IL17D: variants seen among roughly 807,000 people sequenced by gnomAD.
The protein encoded by IL17D is interleukin-17D.
A neutral mutation model predicts 5.7 loss-of-function variants in IL17D; 10 were observed. The observed-to-expected ratio is 1.75, with a 90% confidence interval of 1.08 to 2.97. IL17D has a LOEUF of 2.97. IL17D is among the 30% of genes most tolerant of loss of function. The pLI is 0.00. For synonymous variants in IL17D, 172 were observed against 141.7 expected (o/e 1.21, Z -1.52); for missense variants, 354 against 292.7 (o/e 1.21, Z -1.53).
chr13:20,719,189 C>G (rs1359005119), intron 1 of IL17D, among the ~76,000 whole-genome samples: 1 of 143,912 alleles, frequency 6.9e-6, no homozygotes, highest in Non-Finnish European at 1.5e-5. Context: ...CCTACACTCA[C>G]AGATGCCCAC....
Position 20,716,209 on chromosome 13 carries a change from C to T in IL17D, c.291-5427C>T, listed in dbSNP as rs112980765. On this transcript the variant is annotated intron_variant, in intron 1 of 1. Coordinates refer to ENST00000682841, the MANE Select transcript of IL17D (RefSeq NM_001385224.1). The surrounding 1 kb of genome is among the most constrained non-coding windows in gnomAD (Gnocchi z 4.2). ...CATGTCCCTCAGTGTCCCCAGAGGA[C>T]GGCGGATGTCTTGGTATTACCATGG... 154 of 452,084 alleles carry T rather than the reference C, an allele frequency of 3.4e-4. 2 individuals are homozygous for T. The South Asian group carries it at 0.011, about 33-fold the overall frequency. 28.0% of individuals were successfully genotyped at this position (452,084 alleles called of 1,614,324 possible). A position where few individuals can be genotyped will look rare whatever the true frequency, so the allele number is the denominator to read the frequency against.
intron 1 of IL17D, among the ~76,000 whole-genome samples, chr13:20,718,205 C>G (rs976804454): frequency 6.6e-6 from 1 of 152,132 alleles, no homozygotes; most frequent in Non-Finnish European, 1.5e-5. Flanking sequence ...GCCCGGTGCC[C>G]TTCATGAGTT....
chr13:20,704,010 A>G lies in IL17D; in HGVS notation c.9A>G (p.Val3=). ML[V]AGFLLALPPS... is the part of the protein sequence containing the mutation. ...CTGTCCCTCAGGTCTGGATGCTGGT[A>G]GCCGGCTTCCTGCTGGCGCTGCCGC... The change falls in exon 1 of 2, where the codon GTA becomes GTG. Residue 3 remains valine, a synonymous_variant. Coordinates refer to ENST00000682841, the MANE Select transcript of IL17D (RefSeq NM_001385224.1). The G allele has an allele frequency of 9.8e-7, 1 of 1,021,958 alleles. No individual in the cohort carries two copies. The highest frequency in any genetic ancestry group is 1.2e-6 in the Non-Finnish European group (1 of 857,372). 63.3% of individuals were successfully genotyped at this position (1,021,958 alleles called of 1,614,324 possible).
intron 1 of IL17D, chr13:20,713,363 A>C (rs968957146): frequency 1.2e-4 from 19 of 152,192 alleles, no homozygotes; most frequent in African/African-American, 4.3e-4. Flanking sequence ...TTCCCCCTAA[A>C]ATGTTTGTAT....
chr13:20,712,072 C>T (rs1320770018), intron 1 of IL17D, among the ~76,000 whole-genome samples: 1 of 152,224 alleles, frequency 6.6e-6, no homozygotes, highest in Non-Finnish European at 1.5e-5. Context: ...CCCAGGGTCA[C>T]ATTCATTCAT....
At chr13:20,709,145 T>TTC (rs1483398558) in intron 1 of IL17D, among the ~76,000 whole-genome samples, 25 of 150,386 alleles carry the variant, frequency 1.7e-4, no homozygotes, top group Admixed American at 1.3e-3. Flanking sequence ...AAGCCCTTTT[T>TTC]TTTTTTTTTT....
rs377183345 is a variant in IL17D at position 20,721,858 on chromosome 13, C to G, written c.513C>G (p.Pro171=). 1.9e-6 allele frequency: 3 copies of G among 1,610,534 alleles called. No homozygotes were observed. Among genetic ancestry groups the G allele is most frequent in the Non-Finnish European group, 2.5e-6 (3 of 1,179,762 alleles). ...VTIPVGCTCV[P]EPEKDADSIN... ...TCCCCGTGGGCTGCACCTGCGTCCCCGAGCCGGAGAAGGACGCAGACAGCA... is the reference window on the plus strand; with the variant it reads ...TCCCCGTGGGCTGCACCTGCGTCCCGGAGCCGGAGAAGGACGCAGACAGCA... The change falls in exon 2 of 2, where the codon CCC becomes CCG. Residue 171 remains proline, a synonymous_variant. Coordinates refer to ENST00000682841, the MANE Select transcript of IL17D (RefSeq NM_001385224.1).
At chr13:20,713,808 C>A (rs2058658776) in intron 1 of IL17D, 1 of 152,262 alleles carries the variant, frequency 6.6e-6, no homozygotes, top group Admixed American at 6.5e-5. Flanking sequence ...GCAATGAGCA[C>A]ACTGCTCACT....
rs1566522517 is a variant in IL17D at position 20,721,720 on chromosome 13, C to G, written c.375C>G (p.Gly125=). 4 of 1,611,308 alleles carry G rather than the reference C, an allele frequency of 2.5e-6. No individual in the cohort carries two copies. The highest frequency in any genetic ancestry group is 3.4e-6 in the Non-Finnish European group (4 of 1,179,442). Residue 125 remains glycine, a synonymous_variant, in exon 2 of 2, where the codon GGC becomes GGG. Coordinates refer to ENST00000682841, the MANE Select transcript of IL17D (RefSeq NM_001385224.1). ...GGGGCTGCCTGACCGGGCTGTTCGGCGAGGAGGACGTGCGCTTCCGCAGCG... is the reference window on the plus strand; with the variant it reads ...GGGGCTGCCTGACCGGGCTGTTCGGGGAGGAGGACGTGCGCTTCCGCAGCG... ...LCRGCLTGLF[G]EEDVRFRSAP... is the part of the protein sequence containing the mutation.
At chr13:20,718,642 AC>A (rs1384331569) in intron 1 of IL17D, among the ~76,000 whole-genome samples, 3 of 94,866 alleles carry the variant, frequency 3.2e-5, no homozygotes, top group Non-Finnish European at 5.9e-5. Flanking sequence ...GCCCACGCTC[AC>A]ACACCTGCCC....
intron 1 of IL17D, chr13:20,713,817 CTAAA>C (rs1232151665): frequency 6.6e-6 from 1 of 152,254 alleles, no homozygotes; most frequent in Non-Finnish European, 1.5e-5. Flanking sequence ...ACACTGCTCA[CTAAA>C]TAAGAGGCCA....
At position 20,703,872 on chromosome 13, in the gene IL17D, C is replaced by T. The variant is rs1038815209; in HGVS notation, c.-130C>T. On this transcript the variant is annotated 5_prime_UTR_variant, in exon 1 of 2. Coordinates refer to ENST00000682841, the MANE Select transcript of IL17D (RefSeq NM_001385224.1). Reference sequence around the variant, plus strand: ...GCGCGGCTCCCATCCTCCGGGCCGGCCTCTGGCTCCGCGGGGCGAGGGGAG... The same window carrying T: ...GCGCGGCTCCCATCCTCCGGGCCGGTCTCTGGCTCCGCGGGGCGAGGGGAG... 30 of 297,548 alleles carry T rather than the reference C, an allele frequency of 1.0e-4. No homozygotes were observed. Among genetic ancestry groups the T allele is most frequent in the African/African-American group, 6.5e-4 (28 of 43,372 alleles). 18.4% of individuals were successfully genotyped at this position (297,548 alleles called of 1,614,324 possible). A position where few individuals can be genotyped will look rare whatever the true frequency, so the allele number is the denominator to read the frequency against.
intron 1 of IL17D, among the ~76,000 whole-genome samples, chr13:20,719,659 T>G (rs1332902817): frequency 1.3e-5 from 2 of 152,216 alleles, no homozygotes; most frequent in East Asian, 1.9e-4. Flanking sequence ...AATGTCAGCA[T>G]CATCACTCAG....
At chr13:20,718,859 C>T (rs1345520668) in intron 1 of IL17D, among the ~76,000 whole-genome samples, 1 of 146,290 alleles carries the variant, frequency 6.8e-6, no homozygotes, top group Non-Finnish European at 1.5e-5. Context: ...CCCTCACCCA[C>T]ACACATGCCC....
At chr13:20,718,856 CCA>C (rs1255188898) in intron 1 of IL17D, among the ~76,000 whole-genome samples, 9 of 129,742 alleles carry the variant, frequency 6.9e-5, no homozygotes, top group South Asian at 2.7e-4. Flanking sequence ...GCCCCCTCAC[CCA>C]CACACATGCC....
At chr13:20,712,149 C>G (rs2058643148) in intron 1 of IL17D, among the ~76,000 whole-genome samples, 1 of 152,276 alleles carries the variant, frequency 6.6e-6, no homozygotes, top group Non-Finnish European at 1.5e-5. Flanking sequence ...GACCCTGACA[C>G]TCCTCCTGCA....
chr13:20,714,499 G>A (rs1594999885), intron 1 of IL17D, among the ~76,000 whole-genome samples: 1 of 152,344 alleles, frequency 6.6e-6, no homozygotes, highest in Non-Finnish European at 1.5e-5. Flanking sequence ...GTTTCCTCAC[G>A]AGTGAGAGGA....
chr13:20,708,976 AAAGAAAG>A lies in IL17D; in HGVS notation c.290+4688_290+4694del, dbSNP rs1566518101. Among the ~76,000 whole-genome samples, 6 of 143,874 alleles carry A rather than the reference AAAGAAAG, an allele frequency of 4.2e-5. 1 individual carries two copies. Among genetic ancestry groups the A allele is most frequent in the Admixed American group, 2.1e-4 (3 of 14,482 alleles). The allele number at this position is 143,874 out of a possible 152,430, so 94.4% of individuals were successfully genotyped here. The stretch of plus-strand genomic sequence containing the variant: ...ACTCTGTCTCAAAAAAAAAAAAAAA[AAAGAAAG>A]AAAGAAAAGAAAAGGACCAGTGACA... On this transcript the variant is annotated intron_variant, in intron 1 of 1. Transcript: ENST00000682841.
chr13:20,720,305 C>T (rs369315978), intron 1 of IL17D, among the ~76,000 whole-genome samples: 7 of 152,212 alleles, frequency 4.6e-5, no homozygotes, highest in African/African-American at 7.2e-5. Flanking sequence ...CAAGAGCTCC[C>T]TCTGCGGCTC....
Sources: allele counts gnomAD v4.1 joint callset (sites outside exome capture counted in the v4.1 genomes callset), GRCh38; gene constraint gnomAD v4.1.1; non-coding constraint Gnocchi (gnomAD v3.1); transcripts MANE v1.5; gene names NCBI Gene and HGNC (gene_info 2026-07-23, HGNC 2026-07-21).